RDH14: variants seen among roughly 807,000 people sequenced by gnomAD.
The protein encoded by RDH14 is alcohol dehydrogenase PAN2.
A neutral mutation model predicts 19.3 loss-of-function variants in RDH14; 17 were observed. The ratio of observed to expected loss-of-function variants is 0.88; its 90% CI spans 0.60 to 1.32. The LOEUF (loss-of-function observed/expected upper bound fraction) is 1.32, where lower values mean the gene tolerates loss of function less well. Among genes scored for constraint, RDH14 ranks in the 40% most tolerant of loss-of-function variants. RDH14 has a pLI of 0.00. For missense variants in RDH14, 534 were observed against 449.2 expected (o/e 1.19, Z -1.71); for synonymous variants, 215 against 188.9 (o/e 1.14, Z -1.13).
Position 18,560,436 on chromosome 2 carries a change from A to G in RDH14, c.137T>C (p.Val46Ala), listed in dbSNP as rs2148057156. The change falls in exon 1 of 2, where the codon GTG becomes GCG. Residue 46 changes from valine (V) to alanine (A), a missense_variant. Physicochemically the swap from Val to Ala is moderately conservative, Grantham distance 64. Transcript: ENST00000381249. ...GDPGLMHGKT[V>A]LITGANSGLG... ...GCCGCTGTTCGCCCCGGTGATCAGCACAGTCTTCCCGTGCATGAGGCCGGG... is the reference window on the plus strand; with the variant it reads ...GCCGCTGTTCGCCCCGGTGATCAGCGCAGTCTTCCCGTGCATGAGGCCGGG... 6.6e-7 allele frequency: 1 copy of G among 1,513,944 alleles called. No homozygotes were observed. The highest frequency in any genetic ancestry group is 2.7e-5 in the East Asian group (1 of 37,684). 93.8% of individuals were successfully genotyped at this position (1,513,944 alleles called of 1,614,324 possible).
chr2:18,557,660 T>C (rs1663959696), intron 1 of RDH14, among the ~76,000 whole-genome samples: 1 of 152,172 alleles, frequency 6.6e-6, no homozygotes, highest in Non-Finnish European at 1.5e-5. Context: ...TTTTTCCTTC[T>C]AATTATAGTC....
At position 18,554,963 on chromosome 2, in the gene RDH14, CTTA is replaced by C; in HGVS notation, c.*225_*227del. The C allele has an allele frequency of 4.3e-6, 2 of 465,184 alleles. No homozygotes were observed. The highest frequency in any genetic ancestry group is 3.5e-5 in the East Asian group (1 of 28,212). The allele number at this position is 465,184 out of a possible 1,614,324, so 28.8% of individuals were successfully genotyped here. A position where few individuals can be genotyped will look rare whatever the true frequency, so the allele number is the denominator to read the frequency against. On this transcript the variant is annotated 3_prime_UTR_variant, in exon 2 of 2. Coordinates refer to ENST00000381249, the MANE Select transcript of RDH14 (RefSeq NM_020905.4). ...CAATATAATTGTATTTTTCATTGTACTTATTATTCATTATACTTACTATATATA... is the reference window on the plus strand; with the variant it reads ...CAATATAATTGTATTTTTCATTGTACTTATTCATTATACTTACTATATATA...
chr2:18,556,249 T>G (rs1663915843), intron 1 of RDH14, among the ~76,000 whole-genome samples: 1 of 152,182 alleles, frequency 6.6e-6, no homozygotes, highest in Non-Finnish European at 1.5e-5. Context: ...TACCAAGATC[T>G]TTCTCAAAAC....
At position 18,555,124 on chromosome 2, in the gene RDH14, C is replaced by T. The variant is rs1037917366; in HGVS notation, c.*67G>A. ...TTCTTCAAGTAACAAGTTCTCAATC[C>T]ACACCATTCCTGATCACAGATATAA... On this transcript the variant is annotated 3_prime_UTR_variant, in exon 2 of 2. Coordinates refer to ENST00000381249, the MANE Select transcript of RDH14 (RefSeq NM_020905.4). The T allele has an allele frequency of 8.4e-6, 13 of 1,549,622 alleles. No homozygotes were observed. The highest frequency in any genetic ancestry group is 7.8e-5 in the Admixed American group (4 of 51,298).
intron 1 of RDH14, among the ~76,000 whole-genome samples, chr2:18,559,240 C>T (rs1664011251): frequency 6.6e-6 from 1 of 152,230 alleles, no homozygotes; most frequent in Admixed American, 6.5e-5. Context: ...AGAAACTCTT[C>T]TACCTCAATC....
At chr2:18,560,039 T>C in intron 1 of RDH14, 141 bp downstream of exon 1, 2 of 952,162 alleles carry the variant, frequency 2.1e-6, no homozygotes, top group Non-Finnish European at 2.9e-6. Flanking sequence ...AGTGGCTTTT[T>C]GGACTCCTCT....
intron 1 of RDH14, among the ~76,000 whole-genome samples, chr2:18,556,368 G>C (rs887104964): frequency 2.0e-5 from 3 of 152,050 alleles, no homozygotes; most frequent in Admixed American, 6.5e-5. Flanking sequence ...GGTTAATACT[G>C]AGATCATATC....
intron 1 of RDH14, 51 bp from the exon 2 acceptor site, chr2:18,555,859 T>C (rs775511078): frequency 6.5e-7 from 1 of 1,527,620 alleles, no homozygotes; most frequent in Non-Finnish European, 8.8e-7. Flanking sequence ...ACACGCCTTG[T>C]ATTGCTTTTT....
Position 18,560,517 on chromosome 2 carries a change from A to G in RDH14, c.56T>C (p.Leu19Pro). 6.6e-7 allele frequency: 1 copy of G among 1,510,064 alleles called. No individual in the cohort carries two copies. The highest frequency in any genetic ancestry group is 8.8e-7 in the Non-Finnish European group (1 of 1,137,260). 93.5% of individuals were successfully genotyped at this position (1,510,064 alleles called of 1,614,324 possible). The change falls in exon 1 of 2, where the codon CTG (leucine) becomes CCG (proline). Residue 19 changes from leucine (L) to proline (P), a missense_variant. Physicochemically the swap from Leu to Pro is moderately conservative, Grantham distance 98. Coordinates refer to ENST00000381249, the MANE Select transcript of RDH14 (RefSeq NM_020905.4). ...GGGCCCCACGAACCGGCGGGCCGCC[A>G]GCCACAGCGCCCCGCCCAGAGCGGC... Reference protein sequence around the residue: ...VLAALGGALWLAARRFVGPRV... With the variant: ...VLAALGGALWPAARRFVGPRV...
chr2:18,560,047 T>C, intron 1 of RDH14, 133 bp downstream of exon 1: 1 of 1,052,594 alleles, frequency 9.5e-7, no homozygotes, highest in South Asian at 1.8e-5. Flanking sequence ...TTTGGACTCC[T>C]CTCAGCCTCA....
intron 1 of RDH14, among the ~76,000 whole-genome samples, chr2:18,556,873 G>A (rs1288676190): frequency 2.6e-5 from 4 of 152,046 alleles, no homozygotes; most frequent in Non-Finnish European, 5.9e-5. Context: ...CCATGGGGGT[G>A]GAACAACTTC....
chr2:18,557,278 A>AATTT (rs1663948850), intron 1 of RDH14, among the ~76,000 whole-genome samples: 2 of 152,224 alleles, frequency 1.3e-5, no homozygotes, highest in African/African-American at 2.4e-5. Context: ...TATGAGGTCA[A>AATTT]CTTTCAAATT....
In RDH14 at chr2:18,555,040, G is replaced by GTAAC. The variant is rs1369366473; in HGVS notation, c.*147_*150dup. 5 of 1,218,032 alleles carry GTAAC rather than the reference G, an allele frequency of 4.1e-6. No individual in the cohort carries two copies. The African/African-American group carries it at 4.6e-5, about 11-fold the overall frequency. The allele number at this position is 1,218,032 out of a possible 1,614,324, so 75.5% of individuals were successfully genotyped here. A position where few individuals can be genotyped will look rare whatever the true frequency, so the allele number is the denominator to read the frequency against. Reference sequence around the variant, plus strand: ...CTCTTATCCCAAAAATAATTTTTCAGTAACTCCAAAATACCCACATGTACC... The same window carrying GTAAC: ...CTCTTATCCCAAAAATAATTTTTCAGTAACTAACTCCAAAATACCCACATGTACC... On this transcript the variant is annotated 3_prime_UTR_variant, in exon 2 of 2. Coordinates refer to ENST00000381249, the MANE Select transcript of RDH14 (RefSeq NM_020905.4).
At chr2:18,556,864 C>T (rs1045593922) in intron 1 of RDH14, among the ~76,000 whole-genome samples, 4 of 152,082 alleles carry the variant, frequency 2.6e-5, no homozygotes, top group Non-Finnish European at 4.4e-5. Flanking sequence ...TAAATGGCAC[C>T]ATGGGGGTGG....
In RDH14 at chr2:18,555,659, A is replaced by C. The variant is rs775126614; in HGVS notation, c.543T>G (p.Ser181Arg). The change falls in exon 2 of 2, where the codon AGT becomes AGG. Residue 181 changes from serine to arginine, a missense_variant. By Grantham distance (110) the Ser-to-Arg change is moderately radical (BLOSUM62 -1). Transcript: ENST00000381249. The part of the protein sequence containing the change: ...LTNLLLGLLK[S>R]SAPSRIVVVS... ...CTACCACAATCCTGCTGGGAGCTGAACTTTTGAGGAGTCCAAGGAGAAGAT... is the reference window on the plus strand; with the variant it reads ...CTACCACAATCCTGCTGGGAGCTGACCTTTTGAGGAGTCCAAGGAGAAGAT... 1 of 1,614,098 alleles carries C rather than the reference A, an allele frequency of 6.2e-7. No homozygotes were observed. The highest frequency in any genetic ancestry group is 8.5e-7 in the Non-Finnish European group (1 of 1,179,978).
intron 1 of RDH14, among the ~76,000 whole-genome samples, chr2:18,557,590 C>T (rs73226350): frequency 0.034 from 5,211 of 151,994 alleles, 302 homozygotes; most frequent in African/African-American, 0.12. Context: ...TTAAATTCTA[C>T]GAGATAAATG....
Position 18,555,199 on chromosome 2 carries a change from G to A in RDH14, c.1003C>T (p.Leu335=), listed in dbSNP as rs766407789. 22 of 1,612,534 alleles carry A rather than the reference G, an allele frequency of 1.4e-5. No homozygotes were observed. Among genetic ancestry groups the A allele is most frequent in the Non-Finnish European group, 1.9e-5 (22 of 1,179,006 alleles). ...WDISEVMVGL[L]K Reference sequence around the variant, plus strand: ...TCTTTTACTCCTTGTTCCTATTTTAGCAGGCCAACCATCACTTCACTGATA... The same window carrying A: ...TCTTTTACTCCTTGTTCCTATTTTAACAGGCCAACCATCACTTCACTGATA... Residue 335 remains leucine (L), a synonymous_variant, in exon 2 of 2, where the codon CTA becomes TTA. Coordinates refer to ENST00000381249, the MANE Select transcript of RDH14 (RefSeq NM_020905.4).
rs1664061291 is a variant in RDH14, at chr2:18,560,254, C to CCA, written c.317_318dup (p.Gly107TrpfsTer5). On this transcript the variant is annotated frameshift_variant, in exon 1 of 2. Transcript: ENST00000381249. LOFTEE classifies it high-confidence loss of function. Reference sequence around the variant, plus strand: ...TCCAGCTCCCGGACTATGAGCTCGCCCACCCCGCTGACGCCAGGCTCTGGG... The same window carrying CCA: ...TCCAGCTCCCGGACTATGAGCTCGCCCACACCCCGCTGACGCCAGGCTCTGGG... 6.6e-7 allele frequency: 1 copy of CCA among 1,521,446 alleles called. No homozygotes were observed. The allele number at this position is 1,521,446 out of a possible 1,614,324, so 94.2% of individuals were successfully genotyped here.
intron 1 of RDH14, among the ~76,000 whole-genome samples, chr2:18,559,706 G>C (rs1052815042): frequency 6.6e-6 from 1 of 152,136 alleles, no homozygotes. Context: ...CCTTACCCCA[G>C]CAGAAAAGGG....
Sources: allele counts gnomAD v4.1 joint callset (sites outside exome capture counted in the v4.1 genomes callset), GRCh38; gene constraint gnomAD v4.1.1; transcripts MANE v1.5; gene names NCBI Gene and HGNC (gene_info 2026-07-23, HGNC 2026-07-21).